Variants in ZHX3 observed in about 807,000 individuals in gnomAD.
ZHX3 encodes zinc fingers and homeoboxes protein 3.
In ZHX3, 20 loss-of-function variants were observed where a neutral mutation model predicts 64.5. That is an observed-to-expected ratio of 0.31 (90% CI 0.22 to 0.45). The LOEUF is 0.45. Among genes scored for constraint, ZHX3 ranks in the 20% least tolerant of loss-of-function variants. ZHX3 has a pLI of 1.00. For synonymous variants in ZHX3, 423 were observed against 461.6 expected (o/e 0.92, Z 1.07); for missense variants, 1,041 against 1,195.8 (o/e 0.87, Z 1.91).
At chr20:41,312,511 A>G (rs2045170723) in intron 1 of ZHX3, among the ~76,000 whole-genome samples, 1 of 152,240 alleles carries the variant, frequency 6.6e-6, no homozygotes, top group African/African-American at 2.4e-5. Context: ...GCAAGACCAC[A>G]GACCTACCAG....
Position 41,200,305 on chromosome 20 carries a change from C to T in ZHX3, c.2860+1752G>A, listed in dbSNP as rs1448142042. ...TAACATCATTCTCCATGTCAGCTTT[C>T]GTAATCAACTTGTTCAAACATCCTC... On this transcript the variant is annotated intron_variant, in intron 3 of 3. Transcript: ENST00000683867. This position sits in a 1 kb window ranked among gnomAD's most constrained non-coding sequence, Gnocchi z 4.2. Among the ~76,000 whole-genome samples, 4 of 152,142 alleles carry T rather than the reference C, an allele frequency of 2.6e-5. No individual in the cohort carries two copies. The highest frequency in any genetic ancestry group is 7.2e-5 in the African/African-American group (3 of 41,422).
chr20:41,280,557 A>G (rs1417732066), intron 1 of ZHX3, among the ~76,000 whole-genome samples: 1 of 152,200 alleles, frequency 6.6e-6, no homozygotes, highest in Non-Finnish European at 1.5e-5. Flanking sequence ...ATAAAAAAAC[A>G]AAGCTATGTT....
At chr20:41,270,417 T>C (rs1396046015) in intron 1 of ZHX3, among the ~76,000 whole-genome samples, 6 of 148,374 alleles carry the variant, frequency 4.0e-5, no homozygotes, top group Admixed American at 2.7e-4. Context: ...GGCTCACACC[T>C]GTAATCCCAG....
intron 2 of ZHX3, among the ~76,000 whole-genome samples, chr20:41,265,647 C>CAT (rs2042807090): frequency 1.3e-5 from 2 of 152,148 alleles, no homozygotes. Context: ...CAAATTGTCT[C>CAT]AGAGTCTCTG....
rs1405282713 is a variant in ZHX3 at position 41,317,665 on chromosome 20, G to C, written c.-401C>G. ...CGGACTGCTGAGCGGCGGGGACGCAGCTGCACCAACCGACTCCGGGCCGCT... is the reference window on the plus strand; with the variant it reads ...CGGACTGCTGAGCGGCGGGGACGCACCTGCACCAACCGACTCCGGGCCGCT... On this transcript the variant is annotated 5_prime_UTR_variant, in exon 1 of 4. Coordinates refer to ENST00000683867, the MANE Select transcript of ZHX3 (RefSeq NM_001384317.1). 6.6e-6 allele frequency: 1 copy of C among 151,072 alleles called. No individual in the cohort carries two copies. Among genetic ancestry groups the C allele is most frequent in the Non-Finnish European group, 1.5e-5 (1 of 67,592 alleles). 9.4% of individuals were successfully genotyped at this position (151,072 alleles called of 1,614,324 possible).
intron 2 of ZHX3, among the ~76,000 whole-genome samples, chr20:41,216,412 C>T (rs761044389): frequency 6.6e-6 from 1 of 152,180 alleles, no homozygotes; most frequent in African/African-American, 2.4e-5. Context: ...TGATTTCAGG[C>T]ATGTTTCCTA....
rs369613469 is a variant in ZHX3, at chr20:41,281,268, A to T, written c.-244-12185T>A. Among the ~76,000 whole-genome samples, 7 of 152,300 alleles carry T rather than the reference A, an allele frequency of 4.6e-5. No individual in the cohort carries two copies. In the East Asian group the frequency reaches 1.4e-3, roughly 29 times the overall value. ...TGTTACTTAAGTATGAAGGCAAAAT[A>T]AAGTTATTTGGGTATATACAACTGC... On this transcript the variant is annotated intron_variant, in intron 1 of 3. Transcript: ENST00000683867.
At chr20:41,286,776 G>T (rs1038172866) in intron 1 of ZHX3, among the ~76,000 whole-genome samples, 8 of 152,132 alleles carry the variant, frequency 5.3e-5, no homozygotes, top group Admixed American at 3.9e-4. Flanking sequence ...CTCTCAAATT[G>T]TAATTCCCAC....
chr20:41,251,511 A>G (rs2041992065), intron 2 of ZHX3, among the ~76,000 whole-genome samples: 1 of 152,224 alleles, frequency 6.6e-6, no homozygotes, highest in South Asian at 2.1e-4. Context: ...AACCCAGAGA[A>G]AGACAAGAAA....
intron 2 of ZHX3, among the ~76,000 whole-genome samples, chr20:41,211,770 T>C (rs987572320): frequency 6.6e-6 from 1 of 152,190 alleles, no homozygotes; most frequent in Admixed American, 6.5e-5. Flanking sequence ...CAAACATCTC[T>C]GGGCATACAG....
intron 1 of ZHX3, among the ~76,000 whole-genome samples, chr20:41,312,288 A>T (rs898552031): frequency 2.6e-5 from 4 of 152,206 alleles, no homozygotes; most frequent in African/African-American, 7.2e-5. Flanking sequence ...AAAATGGACC[A>T]ATCAGCAGGA....
intron 1 of ZHX3, among the ~76,000 whole-genome samples, chr20:41,310,383 C>G (rs1006727261): frequency 1.3e-5 from 2 of 152,188 alleles, no homozygotes; most frequent in Non-Finnish European, 2.9e-5. Context: ...CAGACCTCAC[C>G]TCTATTTCAC....
intron 2 of ZHX3, among the ~76,000 whole-genome samples, chr20:41,262,452 C>T (rs1448444461): frequency 1.3e-5 from 2 of 152,194 alleles, no homozygotes; most frequent in African/African-American, 4.8e-5. Flanking sequence ...TTTGCCCTCT[C>T]ACTTTATCCT....
chr20:41,268,246 A>G (rs2042957486), intron 2 of ZHX3, among the ~76,000 whole-genome samples: 1 of 152,194 alleles, frequency 6.6e-6, no homozygotes, highest in Non-Finnish European at 1.5e-5. Flanking sequence ...AAAAATTTCT[A>G]TTCAGCTTAC....
intron 3 of ZHX3, among the ~76,000 whole-genome samples, chr20:41,199,185 T>C (rs1479739524): frequency 2.6e-5 from 4 of 152,216 alleles, no homozygotes; most frequent in African/African-American, 4.8e-5. Flanking sequence ...TGAACATACT[T>C]AAGATAGTTG....
At chr20:41,279,507 A>G (rs1342403812) in intron 1 of ZHX3, among the ~76,000 whole-genome samples, 1 of 152,288 alleles carries the variant, frequency 6.6e-6, no homozygotes. Context: ...AATTCCTTGA[A>G]TGTCTGATAC....
chr20:41,202,852 C>G lies in ZHX3; in HGVS notation c.2065G>C (p.Asp689His), dbSNP rs1400208748. The G allele has an allele frequency of 4.3e-6, 7 of 1,614,102 alleles. No homozygotes were observed. The highest frequency in any genetic ancestry group is 5.9e-6 in the Non-Finnish European group (7 of 1,180,054). The stretch of plus-strand genomic sequence containing the variant: ...GCCAAATCCTCTTCTCCACCCTCAT[C>G]CTCAGCAGCCTCCTCTTCCTCCTGA... ...ASQEEEEAAE[D>H]EGGEEDLASE... Residue 689 changes from aspartate to histidine, a missense_variant, in exon 3 of 4, where the codon GAT becomes CAT. Coordinates refer to ENST00000683867, the MANE Select transcript of ZHX3 (RefSeq NM_001384317.1). This position sits in a 1 kb window ranked among gnomAD's most constrained non-coding sequence, Gnocchi z 7.0.
chr20:41,297,960 T>A (rs1281521425), intron 1 of ZHX3, among the ~76,000 whole-genome samples: 1 of 152,218 alleles, frequency 6.6e-6, no homozygotes, highest in Non-Finnish European at 1.5e-5. Context: ...AGAAGTTTCA[T>A]CTATTTCTAT....
intron 2 of ZHX3, among the ~76,000 whole-genome samples, chr20:41,267,298 G>C (rs1438803183): frequency 6.6e-6 from 1 of 152,268 alleles, no homozygotes; most frequent in East Asian, 1.9e-4. Flanking sequence ...GTTTGACAAT[G>C]ATTTTTAAGC....
Sources: allele counts gnomAD v4.1 joint callset (sites outside exome capture counted in the v4.1 genomes callset), GRCh38; gene constraint gnomAD v4.1.1; non-coding constraint Gnocchi (gnomAD v3.1); transcripts MANE v1.5; gene names NCBI Gene and HGNC (gene_info 2026-07-23, HGNC 2026-07-21).